The following PPP1R12B variants were observed in gnomAD, a reference collection of about 807,000 sequenced individuals.
The protein encoded by PPP1R12B is protein phosphatase 1 regulatory subunit 12B, also known as myosin phosphatase target subunit 2.
Under a neutral mutation model 126.1 loss-of-function variants are expected in PPP1R12B, and 76 were observed. The observed-to-expected ratio is 0.60, with a 90% CI of 0.50 to 0.73. The LOEUF (loss-of-function observed/expected upper bound fraction) is 0.73, where lower values mean the gene tolerates loss of function less well. PPP1R12B is among the 30% of genes least tolerant of loss of function. The pLI is 0.00. For missense variants in PPP1R12B, 1,052 were observed against 1,205.1 expected, an observed-to-expected ratio of 0.87 and a Z score of 1.88; for synonymous variants, 356 against 434.7, an observed-to-expected ratio of 0.82 and a Z score of 2.25.
At chr1:202,505,987 A>G (rs2148883662) in intron 18 of PPP1R12B, among the ~76,000 whole-genome samples, 1 of 152,358 alleles carries the variant, frequency 6.6e-6, no homozygotes. Context: ...AATGGCTGTT[A>G]TAAACAGTCC....
At chr1:202,477,876 A>G (rs1302370591) in intron 13 of PPP1R12B, among the ~76,000 whole-genome samples, 1 of 152,230 alleles carries the variant, frequency 6.6e-6, no homozygotes, top group Non-Finnish European at 1.5e-5. Flanking sequence ...TCTAGGAAAC[A>G]TAGTAGATAG....
intron 18 of PPP1R12B, among the ~76,000 whole-genome samples, chr1:202,514,017 T>C (rs1681831189): frequency 6.6e-6 from 1 of 152,244 alleles, no homozygotes; most frequent in Non-Finnish European, 1.5e-5. Flanking sequence ...CAATAGTGTA[T>C]AAGCATTTCC....
intron 1 of PPP1R12B, among the ~76,000 whole-genome samples, chr1:202,405,413 C>T (rs1666464035): frequency 2.0e-5 from 3 of 152,128 alleles, no homozygotes. Flanking sequence ...TTAAGTATAA[C>T]ATTACTTATA....
intron 18 of PPP1R12B, among the ~76,000 whole-genome samples, chr1:202,511,278 G>T (rs1175723672): frequency 6.6e-6 from 1 of 150,664 alleles, no homozygotes; most frequent in Non-Finnish European, 1.5e-5. Flanking sequence ...GTGCAGTGGC[G>T]CAATCTCAGC....
chr1:202,481,241 T>C (rs1677322269), intron 13 of PPP1R12B, among the ~76,000 whole-genome samples: 1 of 152,132 alleles, frequency 6.6e-6, no homozygotes, highest in African/African-American at 2.4e-5. Context: ...AGCCCGGGGG[T>C]TGGGGACCCC....
chr1:202,402,903 A>C (rs2148568107), intron 1 of PPP1R12B, among the ~76,000 whole-genome samples: 1 of 152,352 alleles, frequency 6.6e-6, no homozygotes, highest in African/African-American at 2.4e-5. Flanking sequence ...GTTTATAGTT[A>C]AGTATTTGGA....
intron 12 of PPP1R12B, chr1:202,448,212 C>T (rs990685843): frequency 4.6e-5 from 7 of 152,216 alleles, no homozygotes; most frequent in African/African-American, 1.7e-4. Flanking sequence ...TGTGACATCA[C>T]AAATGATAGC....
intron 21 of PPP1R12B, among the ~76,000 whole-genome samples, chr1:202,566,556 C>G (rs564153570): frequency 6.6e-6 from 1 of 152,192 alleles, no homozygotes; most frequent in Non-Finnish European, 1.5e-5. Flanking sequence ...AAAACTAGTT[C>G]TTTGTGTATA....
intron 23 of PPP1R12B, among the ~76,000 whole-genome samples, chr1:202,577,562 A>T (rs1572568403): frequency 6.6e-6 from 1 of 150,482 alleles, no homozygotes; most frequent in South Asian, 2.1e-4. Flanking sequence ...GAGAGATTTT[A>T]CTCTACCTTT....
chr1:202,511,385 T>G (rs1681489755), intron 18 of PPP1R12B, among the ~76,000 whole-genome samples: 1 of 151,532 alleles, frequency 6.6e-6, no homozygotes, highest in Non-Finnish European at 1.5e-5. Context: ...CCCGGCTAAT[T>G]TTTTTGTATT....
At chr1:202,535,784 C>G (rs1395739224) in intron 18 of PPP1R12B, among the ~76,000 whole-genome samples, 1 of 152,094 alleles carries the variant, frequency 6.6e-6, no homozygotes, top group Non-Finnish European at 1.5e-5. Context: ...CCATTCAGTT[C>G]TTATTTTTAC....
intron 1 of PPP1R12B, among the ~76,000 whole-genome samples, chr1:202,389,811 C>G (rs12563705): frequency 0.045 from 6,843 of 151,738 alleles, 231 homozygotes; most frequent in East Asian, 0.13. Context: ...CTTGCAGTCC[C>G]AGCTACTCGG....
At chr1:202,448,066 T>C (rs376535846) in intron 12 of PPP1R12B, among the ~76,000 whole-genome samples, 8 of 152,188 alleles carry the variant, frequency 5.3e-5, no homozygotes, top group African/African-American at 1.9e-4. Flanking sequence ...TATTTGGAAG[T>C]AAGCTTAGAG....
chr1:202,503,962 ACT>A (rs1680527272), intron 18 of PPP1R12B, among the ~76,000 whole-genome samples: 1 of 151,720 alleles, frequency 6.6e-6, no homozygotes, highest in South Asian at 2.1e-4. Context: ...ATGTCATAAG[ACT>A]CTTCTTACTA....
At chr1:202,394,899 C>T (rs1209528039) in intron 1 of PPP1R12B, among the ~76,000 whole-genome samples, 1 of 152,050 alleles carries the variant, frequency 6.6e-6, no homozygotes, top group African/African-American at 2.4e-5. Flanking sequence ...GGGCAGATCA[C>T]CTGAGGTCAG....
chr1:202,531,020 A>G (rs979015212), intron 18 of PPP1R12B, among the ~76,000 whole-genome samples: 3 of 152,240 alleles, frequency 2.0e-5, no homozygotes, highest in African/African-American at 7.2e-5. Flanking sequence ...GCAGGAGTCA[A>G]CATTAAATGT....
chr1:202,442,103 C>G (rs1249244795), intron 11 of PPP1R12B, among the ~76,000 whole-genome samples: 1 of 152,138 alleles, frequency 6.6e-6, no homozygotes, highest in East Asian at 1.9e-4. Context: ...CCTGCCTCAG[C>G]CTCCCAAAGT....
intron 1 of PPP1R12B, among the ~76,000 whole-genome samples, chr1:202,373,893 C>A (rs1441148640): frequency 6.8e-6 from 1 of 147,642 alleles, no homozygotes. Flanking sequence ...CCACCTTGGT[C>A]AAGAAATAAA....
chr1:202,424,140 A>G (rs1209292489), intron 3 of PPP1R12B, among the ~76,000 whole-genome samples: 2 of 152,158 alleles, frequency 1.3e-5, no homozygotes, highest in Non-Finnish European at 2.9e-5. Flanking sequence ...TTCTGTTTTG[A>G]TTGCTGACTC....
Sources: allele counts gnomAD v4.1 joint callset (sites outside exome capture counted in the v4.1 genomes callset), GRCh38; gene constraint gnomAD v4.1.1; transcripts MANE v1.5; gene names NCBI Gene and HGNC (gene_info 2026-07-23, HGNC 2026-07-21).